ABAT: variants seen among roughly 807,000 people sequenced by gnomAD.
The protein encoded by ABAT is 4-aminobutyrate aminotransferase, also known as 4-aminobutyrate aminotransferase, mitochondrial.
Under a neutral mutation model 64.6 loss-of-function variants are expected in ABAT, and 45 were observed. That is an observed-to-expected ratio of 0.70 (90% CI 0.55 to 0.89). The LOEUF (loss-of-function observed/expected upper bound fraction) is 0.89, where lower values mean the gene tolerates loss of function less well. Ranked by LOEUF, ABAT falls within the 40% of genes least tolerant of loss-of-function variation. The pLI is 0.00. For missense variants in ABAT, 633 were observed against 658.4 expected, an observed-to-expected ratio of 0.96 and a Z score of 0.42; for synonymous variants, 297 against 250.5, an observed-to-expected ratio of 1.19 and a Z score of -1.75.
At chr16:8,722,959 C>A in intron 1 of ABAT, 1 of 989,810 alleles carries the variant, frequency 1.0e-6, no homozygotes, top group Non-Finnish European at 1.4e-6. Context: ...TGTGATCCAG[C>A]CAGGCAAGGT....
Position 8,781,127 on chromosome 16 carries a change from A to G in ABAT, c.1382-182A>G, listed in dbSNP as rs2060423801. 2 of 860,462 alleles carry G rather than the reference A, an allele frequency of 2.3e-6. No homozygotes were observed. The highest frequency in any genetic ancestry group is 1.6e-5 in the African/African-American group (1 of 60,714). 53.3% of individuals were successfully genotyped at this position (860,462 alleles called of 1,614,324 possible). On this transcript the variant is annotated intron_variant, in intron 15 of 15. Coordinates refer to ENST00000268251, the MANE Select transcript of ABAT (RefSeq NM_020686.6). This position sits in a 1 kb window ranked among gnomAD's most constrained non-coding sequence, Gnocchi z 4.5. ...GAGGAGATGAATGAGGGGAGAGAGA[A>G]AGGAAATGAAGACTGGATGGGTGGG...
chr16:8,728,815 A>C (rs1179670631), intron 1 of ABAT, among the ~76,000 whole-genome samples: 1 of 152,218 alleles, frequency 6.6e-6, no homozygotes, highest in Non-Finnish European at 1.5e-5. Flanking sequence ...CAGAGGTTGC[A>C]GTGAGCCGAG....
At chr16:8,682,612 CT>C (rs35596444) in intron 1 of ABAT, among the ~76,000 whole-genome samples, 88,175 of 151,838 alleles carry the variant, frequency 0.58, 26,013 homozygotes, top group East Asian at 0.77. Flanking sequence ...CCCCCGACCC[CT>C]GCCAACCTTG....
chr16:8,775,201 A>T, intron 13 of ABAT, 144 bp downstream of exon 13: 1 of 1,060,516 alleles, frequency 9.4e-7, no homozygotes, highest in East Asian at 2.6e-5. Flanking sequence ...TTATCAATGC[A>T]ATTAGCAGTG....
chr16:8,734,884 G>A (rs564356820), intron 1 of ABAT, among the ~76,000 whole-genome samples: 48 of 152,150 alleles, frequency 3.2e-4, no homozygotes, highest in Non-Finnish European at 6.2e-4. Context: ...ACAAACTGGG[G>A]GATAGGGGCT....
intron 2 of ABAT, among the ~76,000 whole-genome samples, chr16:8,740,897 T>C (rs905571608): frequency 6.6e-6 from 1 of 152,224 alleles, no homozygotes; most frequent in Non-Finnish European, 1.5e-5. Context: ...AAAAAAATTT[T>C]TTAACAGAAA....
At chr16:8,690,576 G>A (rs1432279952) in intron 1 of ABAT, among the ~76,000 whole-genome samples, 1 of 152,210 alleles carries the variant, frequency 6.6e-6, no homozygotes, top group East Asian at 1.9e-4. Context: ...GAGTAGGACA[G>A]GATTCTGAGA....
intron 6 of ABAT, among the ~76,000 whole-genome samples, chr16:8,758,913 C>A (rs2059719208): frequency 6.6e-6 from 1 of 151,980 alleles, no homozygotes; most frequent in Non-Finnish European, 1.5e-5. Context: ...ACCAGCCTGG[C>A]CAGCATGGTG....
At chr16:8,724,075 A>T (rs1326459404) in intron 1 of ABAT, among the ~76,000 whole-genome samples, 1 of 151,926 alleles carries the variant, frequency 6.6e-6, no homozygotes, top group African/African-American at 2.4e-5. Context: ...TCCTGACCTC[A>T]GGTGATCCAT....
intron 11 of ABAT, among the ~76,000 whole-genome samples, chr16:8,770,969 G>C (rs753992532): frequency 1.3e-5 from 2 of 152,004 alleles, no homozygotes; most frequent in African/African-American, 4.8e-5. Flanking sequence ...TTGAAACACT[G>C]TGTGTATTTT....
chr16:8,713,900 A>C, intron 1 of ABAT: 1 of 456,204 alleles, frequency 2.2e-6, no homozygotes, highest in South Asian at 1.5e-5. Flanking sequence ...CTCTGTGTGC[A>C]TCCTTACATG....
intron 1 of ABAT, among the ~76,000 whole-genome samples, chr16:8,726,844 C>T (rs1472600527): frequency 6.6e-6 from 1 of 152,202 alleles, no homozygotes; most frequent in Non-Finnish European, 1.5e-5. Context: ...CACATCCTCT[C>T]CAGCATTTGT....
At chr16:8,749,967 G>A (rs573337016) in intron 4 of ABAT, among the ~76,000 whole-genome samples, 4 of 151,150 alleles carry the variant, frequency 2.6e-5, no homozygotes, top group Non-Finnish European at 4.4e-5. Context: ...CACCTGCCTC[G>A]GCTTCCCAAA....
chr16:8,712,004 T>TCG (rs1567279949), intron 1 of ABAT, among the ~76,000 whole-genome samples: 1 of 66,678 alleles, frequency 1.5e-5, no homozygotes, highest in African/African-American at 4.1e-5. Context: ...CTTTGGGAGG[T>TCG]CGGGGGGGAG....
chr16:8,721,800 C>T (rs983266434), intron 1 of ABAT, among the ~76,000 whole-genome samples: 2 of 152,310 alleles, frequency 1.3e-5, no homozygotes, highest in East Asian at 3.9e-4. Flanking sequence ...TCTCGCCCCT[C>T]CCCGCAATGC....
At chr16:8,680,040 C>T (rs796165585) in intron 1 of ABAT, among the ~76,000 whole-genome samples, 36 of 152,276 alleles carry the variant, frequency 2.4e-4, no homozygotes, top group African/African-American at 8.2e-4. Flanking sequence ...CCTCCTCCTT[C>T]AAAAGCTATC....
intron 1 of ABAT, among the ~76,000 whole-genome samples, chr16:8,689,786 C>G (rs1487491548): frequency 1.3e-5 from 2 of 152,182 alleles, no homozygotes; most frequent in East Asian, 3.8e-4. Context: ...GTGGTGGGAA[C>G]AGCATCTGCA....
intron 1 of ABAT, among the ~76,000 whole-genome samples, chr16:8,733,437 G>A (rs567806594): frequency 1.3e-5 from 2 of 151,956 alleles, no homozygotes; most frequent in East Asian, 1.9e-4. Flanking sequence ...GGTGGCGGCC[G>A]GGCAGAGGCT....
At chr16:8,773,715 T>C (rs992326369) in intron 12 of ABAT, among the ~76,000 whole-genome samples, 4 of 152,158 alleles carry the variant, frequency 2.6e-5, no homozygotes, top group Admixed American at 2.0e-4. Flanking sequence ...ACCTCCCCAT[T>C]AGCCTTGCCA....
Sources: allele counts gnomAD v4.1 joint callset (sites outside exome capture counted in the v4.1 genomes callset), GRCh38; gene constraint gnomAD v4.1.1; non-coding constraint Gnocchi (gnomAD v3.1); transcripts MANE v1.5; gene names NCBI Gene and HGNC (gene_info 2026-07-23, HGNC 2026-07-21).